The following VAX1 variants were observed in gnomAD, a reference collection of about 807,000 sequenced individuals.
VAX1 encodes the protein ventral anterior homeobox 1.
VAX1 carries 6 observed loss-of-function variants against 17.6 expected under a neutral mutation model. That is an observed-to-expected ratio of 0.34 (90% CI 0.19 to 0.67). The LOEUF (loss-of-function observed/expected upper bound fraction) is 0.67, where lower values mean the gene tolerates loss of function less well. Ranked by LOEUF, VAX1 falls within the 30% of genes least tolerant of loss-of-function variation. VAX1 has a pLI of 0.69. For synonymous variants in VAX1, 256 were observed against 227.4 expected (o/e 1.13, Z -1.13); for missense variants, 408 against 463.7 (o/e 0.88, Z 1.10).
At position 117,136,466 on chromosome 10, in the gene VAX1, G is replaced by A. The variant is rs369288005; in HGVS notation, c.429+6C>T. 1.2e-6 allele frequency: 2 copies of A among 1,612,436 alleles called. No individual in the cohort carries two copies. Among genetic ancestry groups the A allele is most frequent in the Non-Finnish European group, 1.7e-6 (2 of 1,179,940 alleles). On this transcript the variant is annotated splice_donor_region_variant and intron_variant, in intron 2 of 2. Transcript: ENST00000369206. The surrounding 1 kb of genome is among the most constrained non-coding windows in gnomAD (Gnocchi z 5.0). ...CAGAACTGTGTGCGGCCTGGTCGCC[G>A]GGTACCTGGGTCTCGGAGAGGTTAA...
chr10:117,131,998 A>C (rs1257613732), downstream of VAX1: 6 of 543,972 alleles, frequency 1.1e-5, no homozygotes, highest in African/African-American at 3.8e-5. Flanking sequence ...CCCAGAGATG[A>C]GTTCCTAAAT....
rs761677663 is a variant in VAX1, at chr10:117,137,946, C to T, written c.111G>A (p.Gly37=). ...KESRESKGAE[G]NLPAAFLKEP... is the part of the protein sequence containing the mutation. Reference sequence around the variant, plus strand: ...CCTTGAGGAAGGCGGCTGGGAGGTTCCCCTCCGCGCCCTTGCTCTCCCGAC... The same window carrying T: ...CCTTGAGGAAGGCGGCTGGGAGGTTTCCCTCCGCGCCCTTGCTCTCCCGAC... Residue 37 remains glycine (G), a synonymous_variant, in exon 1 of 3, where the codon GGG becomes GGA. Coordinates refer to ENST00000369206, the MANE Select transcript of VAX1 (RefSeq NM_001112704.2). The surrounding 1 kb of genome is among the most constrained non-coding windows in gnomAD (Gnocchi z 7.4). 1 of 1,613,814 alleles carries T rather than the reference C, an allele frequency of 6.2e-7. No individual in the cohort carries two copies. The highest frequency in any genetic ancestry group is 8.5e-7 in the Non-Finnish European group (1 of 1,179,984).
At position 117,138,245 on chromosome 10, in the gene VAX1, G is replaced by T. The variant is rs970162899; in HGVS notation, c.-189C>A. ...CCCGCGGGGAGGCTTCGGCGGCCGC[G>T]CGCGGGTCAGCGGCGACGGGAGAGT... On this transcript the variant is annotated 5_prime_UTR_variant, in exon 1 of 3. Transcript: ENST00000369206. 4.4e-5 allele frequency: 31 copies of T among 711,514 alleles called. No homozygotes were observed. The highest frequency in any genetic ancestry group is 6.8e-5 in the Non-Finnish European group (30 of 441,362). 44.1% of individuals were successfully genotyped at this position (711,514 alleles called of 1,614,324 possible). A position where few individuals can be genotyped will look rare whatever the true frequency, so the allele number is the denominator to read the frequency against.
Position 117,137,655 on chromosome 10 carries a change from A to C in VAX1, c.241+161T>G, listed in dbSNP as rs1044668664. 5.3e-5 allele frequency among the ~76,000 whole-genome samples: 8 copies of C among 152,120 alleles called. No individual in the cohort carries two copies. Among genetic ancestry groups the C allele is most frequent in the African/African-American group, 1.9e-4 (8 of 41,444 alleles). ...CCTGGAGAGCGCACCGGAGAGTCCC[A>C]GGCGCTTGTCCCCAGCCGGACTCGG... On this transcript the variant is annotated intron_variant, in intron 1 of 2. Transcript: ENST00000369206. The surrounding 1 kb of genome is among the most constrained non-coding windows in gnomAD (Gnocchi z 7.4).
chr10:117,136,370 G>T lies in VAX1; in HGVS notation c.429+102C>A. 1 of 1,418,170 alleles carries T rather than the reference G, an allele frequency of 7.1e-7. No homozygotes were observed. 87.8% of individuals were successfully genotyped at this position (1,418,170 alleles called of 1,614,324 possible). ...TTCCCATCTCCTCCACCTCCCAAGGGTAGTTCTGTCCAGAGCAGGTTAGGA... is the reference window on the plus strand; with the variant it reads ...TTCCCATCTCCTCCACCTCCCAAGGTTAGTTCTGTCCAGAGCAGGTTAGGA... On this transcript the variant is annotated intron_variant, in intron 2 of 2. Coordinates refer to ENST00000369206, the MANE Select transcript of VAX1 (RefSeq NM_001112704.2). This position sits in a 1 kb window ranked among gnomAD's most constrained non-coding sequence, Gnocchi z 5.0.
rs1224351684 is a variant in VAX1 at position 117,134,488 on chromosome 10, C to G, written c.525G>C (p.Thr175=). The G allele has an allele frequency of 3.3e-6, 5 of 1,527,272 alleles. No homozygotes were observed. In the East Asian group the frequency reaches 7.7e-5, roughly 23 times the overall value. 94.6% of individuals were successfully genotyped at this position (1,527,272 alleles called of 1,614,324 possible). The change falls in exon 3 of 3, where the codon ACG becomes ACC. Residue 175 remains threonine (T), a synonymous_variant. Transcript: ENST00000369206. This position sits in a 1 kb window ranked among gnomAD's most constrained non-coding sequence, Gnocchi z 6.2. ...GCTCCAGCAGCCGTAGCACGCTGCA[C>G]GTGGCCGCGGTCTCCGACACCACCG... is the stretch of plus-strand genomic sequence containing the variant. ...LRSVVSETAA[T]CSVLRLLEQG...
chr10:117,131,898 T>C (rs1305587104), downstream of VAX1: 6 of 364,906 alleles, frequency 1.6e-5, no homozygotes, highest in African/African-American at 6.3e-5. Context: ...TCTGGGCCCA[T>C]GATTGCACAA....
Position 117,136,125 on chromosome 10 carries a change from A to G in VAX1, c.429+347T>C, listed in dbSNP as rs1423168788. 2.0e-5 allele frequency among the ~76,000 whole-genome samples: 3 copies of G among 152,270 alleles called. No homozygotes were observed. The highest frequency in any genetic ancestry group is 7.2e-5 in the African/African-American group (3 of 41,482). On this transcript the variant is annotated intron_variant, in intron 2 of 2. Transcript: ENST00000369206. This position sits in a 1 kb window ranked among gnomAD's most constrained non-coding sequence, Gnocchi z 5.0. ...AATCTAGCCAAAATGGGGTACCCCA[A>G]ACAAGGGCAAAAGTCAGTTCTTTGT... is the stretch of plus-strand genomic sequence containing the variant.
downstream of VAX1, chr10:117,131,864 A>G (rs1232571560): frequency 3.8e-6 from 1 of 266,272 alleles, no homozygotes; most frequent in East Asian, 7.4e-5. Context: ...ATTCTAAGTC[A>G]GAAGAAAATA....
At chr10:117,129,658 G>GTC (rs1374961372), downstream of VAX1, 2 of 151,750 alleles carry the variant, frequency 1.3e-5, no homozygotes, top group Non-Finnish European at 2.9e-5. Flanking sequence ...GTGTGTGTGT[G>GTC]TGTGTGTGTG....
In VAX1 at chr10:117,137,723, C is replaced by G. The variant is rs967911976; in HGVS notation, c.241+93G>C. ...ACTTTCTCCCAAGTCCCAGCCGGCA[C>G]TCCTTCCCACCGGCCTGTGTCGGCG... On this transcript the variant is annotated intron_variant, in intron 1 of 2. Coordinates refer to ENST00000369206, the MANE Select transcript of VAX1 (RefSeq NM_001112704.2). This position sits in a 1 kb window ranked among gnomAD's most constrained non-coding sequence, Gnocchi z 7.4. 64 of 1,595,016 alleles carry G rather than the reference C, an allele frequency of 4.0e-5. No homozygotes were observed. In the South Asian group the frequency reaches 7.0e-4, roughly 17 times the overall value.
chr10:117,133,962 C>T lies in VAX1; in HGVS notation c.*46G>A. The T allele has an allele frequency of 6.8e-7, 1 of 1,465,006 alleles. No individual in the cohort carries two copies. Among genetic ancestry groups the T allele is most frequent in the East Asian group, 3.0e-5 (1 of 33,768 alleles). 90.8% of individuals were successfully genotyped at this position (1,465,006 alleles called of 1,614,324 possible). On this transcript the variant is annotated 3_prime_UTR_variant, in exon 3 of 3. Transcript: ENST00000369206. ...CTAATGCGCGTGAGTCCATAAATAT[C>T]ACCACAATAGATACTATAAATATAA...
At chr10:117,132,607 A>T, downstream of VAX1, 2 of 1,066,466 alleles carry the variant, frequency 1.9e-6, no homozygotes, top group East Asian at 2.6e-5. This position sits in a 1 kb window ranked among gnomAD's most constrained non-coding sequence, Gnocchi z 4.9. Flanking sequence ...ACACTGCGGC[A>T]CCTCGCAGTC....
chr10:117,137,939 G>A lies in VAX1; in HGVS notation c.118C>T (p.Pro40Ser), dbSNP rs1854215853. ...TGCGGCTCCTTGAGGAAGGCGGCTG[G>A]GAGGTTCCCCTCCGCGCCCTTGCTC... is the stretch of plus-strand genomic sequence containing the variant. ...RESKGAEGNL[P>S]AAFLKEPQGA... Residue 40 changes from proline (P) to serine (S), a missense_variant, in exon 1 of 3, where the codon CCA becomes TCA. Transcript: ENST00000369206. This position sits in a 1 kb window ranked among gnomAD's most constrained non-coding sequence, Gnocchi z 7.4. 1 of 1,613,776 alleles carries A rather than the reference G, an allele frequency of 6.2e-7. No individual in the cohort carries two copies. The highest frequency in any genetic ancestry group is 1.1e-5 in the South Asian group (1 of 91,096).
chr10:117,134,254 G>C lies in VAX1; in HGVS notation c.759C>G (p.Pro253=). The C allele has an allele frequency of 2.9e-6, 4 of 1,368,540 alleles. No individual in the cohort carries two copies. In the South Asian group the frequency reaches 5.3e-5, roughly 18 times the overall value. The allele number at this position is 1,368,540 out of a possible 1,614,324, so 84.8% of individuals were successfully genotyped here. The change falls in exon 3 of 3, where the codon CCC becomes CCG. Residue 253 remains proline (P), a synonymous_variant. Coordinates refer to ENST00000369206, the MANE Select transcript of VAX1 (RefSeq NM_001112704.2). The surrounding 1 kb of genome is among the most constrained non-coding windows in gnomAD (Gnocchi z 6.2). Reference sequence around the variant, plus strand: ...GCAATCCCCCCGGCCCGGCGGGCCCGGGACCTGGAGCACCGCCCACAGCCG... The same window carrying C: ...GCAATCCCCCCGGCCCGGCGGGCCCCGGACCTGGAGCACCGCCCACAGCCG... ...HPPAVGGAPG[P]GPAGPGGLHA... is the part of the protein sequence containing the mutation.
chr10:117,137,998 C>G lies in VAX1; in HGVS notation c.59G>C (p.Arg20Pro). The G allele has an allele frequency of 6.2e-7, 1 of 1,613,422 alleles. No individual in the cohort carries two copies. The highest frequency in any genetic ancestry group is 1.1e-5 in the South Asian group (1 of 91,068). The change falls in exon 1 of 3, where the codon CGG becomes CCG. Residue 20 changes from arginine (R) to proline (P), a missense_variant. By Grantham distance (103) the Arg-to-Pro change is moderately radical. This residue lies in a region of VAX1 where 133 missense variants were observed against 112.0 expected (regional missense o/e 1.19). Transcript: ENST00000369206. This position sits in a 1 kb window ranked among gnomAD's most constrained non-coding sequence, Gnocchi z 7.4. ...CTCCTTGTGCGCGTTCTTCGAGACCCGGGCAGCCTCGGCGTCCGAGTGGCA... is the reference window on the plus strand; with the variant it reads ...CTCCTTGTGCGCGTTCTTCGAGACCGGGGCAGCCTCGGCGTCCGAGTGGCA... The part of the protein sequence containing the change: ...VRCHSDAEAA[R>P]VSKNAHKESR...
rs906191563 is a variant in VAX1, at chr10:117,136,497, C to T, written c.404G>A (p.Arg135Gln). 2.5e-6 allele frequency: 4 copies of T among 1,613,582 alleles called. No homozygotes were observed. The highest frequency in any genetic ancestry group is 3.3e-5 in the Admixed American group (2 of 60,004). Residue 135 changes from arginine (R) to glutamine (Q), a missense_variant, in exon 2 of 3, where the codon CGG becomes CAG. This residue lies in a region of VAX1 where 75 missense variants were observed against 116.1 expected (regional missense o/e 0.65). Transcript: ENST00000369206. This position sits in a 1 kb window ranked among gnomAD's most constrained non-coding sequence, Gnocchi z 5.0. Reference sequence around the variant, plus strand: ...CTGGGTCTCGGAGAGGTTAAGCTGCCGGGCGAGCTCGGTCCTCTCGCGGCC... The same window carrying T: ...CTGGGTCTCGGAGAGGTTAAGCTGCTGGGCGAGCTCGGTCCTCTCGCGGCC... The part of the protein sequence containing the change: ...VVGRERTELA[R>Q]QLNLSETQVK...
Position 117,133,718 on chromosome 10 carries a change from T to G in VAX1, c.*290A>C. On this transcript the variant is annotated 3_prime_UTR_variant, in exon 3 of 3. Coordinates refer to ENST00000369206, the MANE Select transcript of VAX1 (RefSeq NM_001112704.2). ...TTTCCCTCCTGGGCTGGGCACGGGG[T>G]CAGGGCATCAGGTTGACTAACTCGG... 1 of 1,145,432 alleles carries G rather than the reference T, an allele frequency of 8.7e-7. No homozygotes were observed. The highest frequency in any genetic ancestry group is 1.1e-6 in the Non-Finnish European group (1 of 934,226). 71.0% of individuals were successfully genotyped at this position (1,145,432 alleles called of 1,614,324 possible). A position where few individuals can be genotyped will look rare whatever the true frequency, so the allele number is the denominator to read the frequency against.
chr10:117,134,315 G>T lies in VAX1; in HGVS notation c.698C>A (p.Ala233Asp). 9.5e-7 allele frequency: 1 copy of T among 1,048,098 alleles called. No individual in the cohort carries two copies. Among genetic ancestry groups the T allele is most frequent in the Non-Finnish European group, 1.1e-6 (1 of 872,730 alleles). The allele number at this position is 1,048,098 out of a possible 1,614,324, so 64.9% of individuals were successfully genotyped here. The part of the protein sequence containing the change: ...AGSAAAAAAA[A>D]PGPAGAASPH... ...GGATGCAGCGCCCGCTGGGCCCGGG[G>T]CGGCGGCGGCGGCTGCGGCGGCCGA... The change falls in exon 3 of 3, where the codon GCC becomes GAC. Residue 233 changes from alanine (A) to aspartate (D), a missense_variant. By Grantham distance (126) the Ala-to-Asp change is moderately radical (BLOSUM62 -2). This residue lies in a region of VAX1 where 196 missense variants were observed against 218.7 expected (regional missense o/e 0.90). Coordinates refer to ENST00000369206, the MANE Select transcript of VAX1 (RefSeq NM_001112704.2). The surrounding 1 kb of genome is among the most constrained non-coding windows in gnomAD (Gnocchi z 6.2).
Sources: allele counts gnomAD v4.1 joint callset (sites outside exome capture counted in the v4.1 genomes callset), GRCh38; gene constraint gnomAD v4.1.1; regional missense constraint gnomAD v4.1.1; non-coding constraint Gnocchi (gnomAD v3.1); transcripts MANE v1.5; gene names NCBI Gene and HGNC (gene_info 2026-07-23, HGNC 2026-07-21).